The following DGKH variants were observed in gnomAD, a reference collection of about 807,000 sequenced individuals.
The protein encoded by DGKH is DAG kinase eta.
In DGKH, 90 loss-of-function variants were observed where a neutral mutation model predicts 159.3. The observed-to-expected ratio is 0.57, with a 90% CI of 0.48 to 0.67. The LOEUF is 0.67. Among genes scored for constraint, DGKH ranks in the 30% least tolerant of loss-of-function variants. DGKH has a pLI of 0.00. For missense variants in DGKH, 1,181 were observed against 1,506.1 expected (o/e 0.78, Z 3.57); for synonymous variants, 536 against 553.8 (o/e 0.97, Z 0.45).
intron 1 of DGKH, among the ~76,000 whole-genome samples, chr13:42,124,344 G>A (rs1326884447): frequency 1.3e-5 from 2 of 151,954 alleles, no homozygotes; most frequent in African/African-American, 4.8e-5. Flanking sequence ...TATCATTTAT[G>A]TTTTTCCCCT....
At chr13:42,111,367 G>T (rs771724681) in intron 1 of DGKH, among the ~76,000 whole-genome samples, 1 of 152,154 alleles carries the variant, frequency 6.6e-6, no homozygotes, top group Non-Finnish European at 1.5e-5. Flanking sequence ...ATCTCTTGAG[G>T]TCAGGAGTTC....
intron 8 of DGKH, 36 bp from the exon 9 acceptor site, chr13:42,166,479 T>C (rs1956318092): frequency 7.0e-7 from 1 of 1,429,332 alleles, no homozygotes; most frequent in South Asian, 1.7e-5. Context: ...AAGAGAAAGC[T>C]GTATGTATTG....
intron 1 of DGKH, among the ~76,000 whole-genome samples, chr13:42,040,503 CG>C (rs946119201): frequency 1.4e-5 from 2 of 147,276 alleles, no homozygotes; most frequent in Non-Finnish European, 3.0e-5. Flanking sequence ...GGAGGGGCGG[CG>C]GGGGGGAGGG....
At chr13:42,129,487 A>C in intron 2 of DGKH, 65 bp from the exon 3 acceptor site, 1 of 1,329,236 alleles carries the variant, frequency 7.5e-7, no homozygotes, top group Non-Finnish European at 1.0e-6. Context: ...TATTGAAAAA[A>C]TGTATTGAAG....
chr13:42,073,221 G>T (rs926971424), intron 1 of DGKH, among the ~76,000 whole-genome samples: 1 of 152,194 alleles, frequency 6.6e-6, no homozygotes, highest in Non-Finnish European at 1.5e-5. Flanking sequence ...ATACCCTCAA[G>T]ATTTTAGAGC....
chr13:42,168,702 G>T lies in DGKH; in HGVS notation c.1251G>T (p.Leu417Phe). The T allele has an allele frequency of 6.2e-7, 1 of 1,614,106 alleles. No individual in the cohort carries two copies. Among genetic ancestry groups the T allele is most frequent in the Non-Finnish European group, 8.5e-7 (1 of 1,180,002 alleles). The change falls in exon 11 of 30, where the codon TTG (leucine) becomes TTT (phenylalanine). Residue 417 changes from leucine to phenylalanine, a missense_variant. Transcript: ENST00000337343. ...NKQCQLGVLP[L>F]GTGNDLARVL... ...AGTGTCAGCTGGGAGTGTTGCCTTT[G>T]GGTACAGGAAATGACCTTGCCCGAG...
At chr13:42,138,743 A>G (rs1196561350) in intron 3 of DGKH, among the ~76,000 whole-genome samples, 6 of 152,132 alleles carry the variant, frequency 3.9e-5, no homozygotes, top group Admixed American at 3.3e-4. Flanking sequence ...TTCATTAATC[A>G]TTGCAGTGGT....
chr13:42,093,820 G>A (rs1954469918), intron 1 of DGKH, among the ~76,000 whole-genome samples: 1 of 152,160 alleles, frequency 6.6e-6, no homozygotes, highest in Non-Finnish European at 1.5e-5. Flanking sequence ...AACTTACAAA[G>A]ACAGAAAGTA....
intron 1 of DGKH, among the ~76,000 whole-genome samples, chr13:42,120,077 A>G (rs902947221): frequency 6.6e-6 from 1 of 152,168 alleles, no homozygotes; most frequent in African/African-American, 2.4e-5. Context: ...TGAACCATGA[A>G]ACTGGATAGG....
At chr13:42,056,491 T>C (rs1472253138) in intron 1 of DGKH, among the ~76,000 whole-genome samples, 1 of 152,234 alleles carries the variant, frequency 6.6e-6, no homozygotes, top group Non-Finnish European at 1.5e-5. Context: ...CTTTTCTATT[T>C]AGCATTTTAT....
intron 20 of DGKH, among the ~76,000 whole-genome samples, chr13:42,205,134 A>G (rs1016250082): frequency 3.9e-5 from 6 of 152,200 alleles, no homozygotes; most frequent in African/African-American, 1.4e-4. Context: ...CTCTTTTAAA[A>G]TGAAGGCTTA....
chr13:42,125,344 C>T (rs1320311992), intron 1 of DGKH, among the ~76,000 whole-genome samples: 1 of 152,158 alleles, frequency 6.6e-6, no homozygotes, highest in East Asian at 1.9e-4. Flanking sequence ...ACACTTTCTG[C>T]CATCTATTGA....
chr13:42,229,133 G>T lies in DGKH; in HGVS notation c.3608G>T (p.Arg1203Leu), dbSNP rs866439930. ...ATACCGAAAGTGGGTCATGTGAAGC[G>T]AATTCTCCAGGGAATTAAAGAGCTT... is the stretch of plus-strand genomic sequence containing the variant. The part of the protein sequence containing the change: ...LGIPKVGHVK[R>L]ILQGIKELGR... The change falls in exon 30 of 30, where the codon CGA becomes CTA. Residue 1203 changes from arginine to leucine, a missense_variant. Arg to Leu is a moderately radical substitution (Grantham distance 102). Transcript: ENST00000337343. 1 of 1,611,416 alleles carries T rather than the reference G, an allele frequency of 6.2e-7. No homozygotes were observed. Among genetic ancestry groups the T allele is most frequent in the African/African-American group, 1.3e-5 (1 of 74,660 alleles).
intron 29 of DGKH, among the ~76,000 whole-genome samples, chr13:42,251,413 A>G (rs1345579850): frequency 6.6e-6 from 1 of 152,190 alleles, no homozygotes; most frequent in African/African-American, 2.4e-5. Flanking sequence ...GTCTGAAAAA[A>G]TACATATATT....
intron 12 of DGKH, among the ~76,000 whole-genome samples, chr13:42,175,961 T>C (rs78447073): frequency 0.034 from 5,238 of 152,276 alleles, 158 homozygotes; most frequent in Non-Finnish European, 0.054. Context: ...GAGGGGTAAA[T>C]ATATACAGAG....
chr13:42,229,215 G>T lies in DGKH; in HGVS notation c.*27G>T. On this transcript the variant is annotated 3_prime_UTR_variant, in exon 30 of 30. Transcript: ENST00000337343. ...CATATTGGTGCTATTTCTTGGAAGA[G>T]AAGTTATTGCCACTTAATACAAAGT... 6.3e-7 allele frequency: 1 copy of T among 1,588,226 alleles called. No individual in the cohort carries two copies. Among genetic ancestry groups the T allele is most frequent in the Non-Finnish European group, 8.6e-7 (1 of 1,166,076 alleles).
At chr13:42,113,754 T>C (rs868147611) in intron 1 of DGKH, among the ~76,000 whole-genome samples, 2 of 152,316 alleles carry the variant, frequency 1.3e-5, no homozygotes, top group South Asian at 4.1e-4. Context: ...TGCTGAGATA[T>C]GAGTTCCGGC....
chr13:42,071,235 G>A (rs967437185), intron 1 of DGKH: 10 of 371,744 alleles, frequency 2.7e-5, no homozygotes, highest in Non-Finnish European at 3.9e-5. Flanking sequence ...GTTTCTTGAT[G>A]TTCATTGCTT....
chr13:42,181,258 C>T (rs577136953), intron 13 of DGKH, among the ~76,000 whole-genome samples: 8 of 114,548 alleles, frequency 7.0e-5, no homozygotes, highest in Non-Finnish European at 1.3e-4. Context: ...GCCTGGGCCA[C>T]AGAGCGAGAC....
Sources: gnomAD v4.1 joint callset for allele counts (sites outside exome capture counted in the v4.1 genomes callset) on GRCh38, gnomAD v4.1.1 for gene constraint, MANE v1.5 for transcripts, NCBI Gene and HGNC (gene_info 2026-07-23, HGNC 2026-07-21) for gene names.